MYO1E: variants seen among roughly 807,000 people sequenced by gnomAD.
MYO1E encodes the protein myosin IE.
Under a neutral mutation model 151.1 loss-of-function variants are expected in MYO1E, and 68 were observed. The ratio of observed to expected loss-of-function variants is 0.45; its 90% CI spans 0.37 to 0.55. The LOEUF (loss-of-function observed/expected upper bound fraction) is 0.55, where lower values mean the gene tolerates loss of function less well. Ranked by LOEUF, MYO1E falls within the 20% of genes least tolerant of loss-of-function variation. The pLI is 0.00. For synonymous variants in MYO1E, 601 were observed against 501.7 expected, an observed-to-expected ratio of 1.20 and a Z score of -2.64; for missense variants, 1,363 against 1,389.3, an observed-to-expected ratio of 0.98 and a Z score of 0.30.
At chr15:59,365,873 C>G (rs1444927003) in intron 1 of MYO1E, among the ~76,000 whole-genome samples, 1 of 152,168 alleles carries the variant, frequency 6.6e-6, no homozygotes, top group African/African-American at 2.4e-5. Flanking sequence ...CTGGAAACAC[C>G]TGAGAGGGAT....
chr15:59,173,651 C>T (rs2079608190), intron 21 of MYO1E, 95 bp downstream of exon 21: 2 of 1,489,404 alleles, frequency 1.3e-6, no homozygotes, highest in African/African-American at 1.4e-5. Flanking sequence ...ACAACGAACA[C>T]ATTCTGATTT....
chr15:59,259,851 G>A (rs1436446403), intron 3 of MYO1E, among the ~76,000 whole-genome samples: 1 of 152,156 alleles, frequency 6.6e-6, no homozygotes, highest in Non-Finnish European at 1.5e-5. Flanking sequence ...GACTCTCAAA[G>A]TCATTAGGAC....
intron 1 of MYO1E, among the ~76,000 whole-genome samples, chr15:59,276,381 G>A (rs2080319110): frequency 6.6e-6 from 1 of 152,208 alleles, no homozygotes; most frequent in Non-Finnish European, 1.5e-5. Flanking sequence ...GCATTTTACA[G>A]CAGCTCCTGG....
At chr15:59,224,889 T>A in intron 7 of MYO1E, 66 bp from the exon 8 acceptor site, 2 of 1,606,300 alleles carry the variant, frequency 1.2e-6, no homozygotes, top group Non-Finnish European at 1.7e-6. Flanking sequence ...CACTCCTGCA[T>A]CCTGCAGCCA....
intron 1 of MYO1E, among the ~76,000 whole-genome samples, chr15:59,344,713 A>G (rs948168363): frequency 6.6e-6 from 1 of 152,194 alleles, no homozygotes; most frequent in African/African-American, 2.4e-5. Context: ...CAAAACCACC[A>G]AAGTCCTTCC....
At chr15:59,217,413 G>T (rs1196331179) in intron 10 of MYO1E, among the ~76,000 whole-genome samples, 1 of 147,176 alleles carries the variant, frequency 6.8e-6, no homozygotes, top group Non-Finnish European at 1.5e-5. Flanking sequence ...GGCAGTTCTA[G>T]AAGGAAAAGC....
intron 1 of MYO1E, 134 bp from the exon 2 acceptor site, chr15:59,272,583 A>G: frequency 1.0e-6 from 1 of 988,314 alleles, no homozygotes; most frequent in South Asian, 1.4e-5. Context: ...AAGATTCTGC[A>G]ATCAATAAGA....
At chr15:59,208,237 T>G in intron 14 of MYO1E, 2 of 707,408 alleles carry the variant, frequency 2.8e-6, no homozygotes, top group Non-Finnish European at 4.6e-6. Flanking sequence ...CCAGCTCTTT[T>G]ATTGAGCATC....
intron 1 of MYO1E, among the ~76,000 whole-genome samples, chr15:59,276,918 C>T (rs1042081997): frequency 2.0e-5 from 3 of 152,112 alleles, no homozygotes; most frequent in Non-Finnish European, 2.9e-5. Context: ...GTAGGCCTGG[C>T]CCCACGCGGC....
intron 1 of MYO1E, among the ~76,000 whole-genome samples, chr15:59,344,810 C>G (rs1403099029): frequency 6.6e-6 from 1 of 152,184 alleles, no homozygotes; most frequent in Admixed American, 6.5e-5. Context: ...GCCAGGGCAC[C>G]ACCAATCAAA....
chr15:59,224,788 G>C lies in MYO1E; in HGVS notation c.678C>G (p.Ser226Arg). ...IEGASAEQKH[S>R]LGITSMDYYY... The stretch of plus-strand genomic sequence containing the variant: ...AATAGTCCATGCTGGTGATGCCAAG[G>C]CTGTGTTTCTGCTCTGCAGAGGCGC... Residue 226 changes from serine (S) to arginine (R), a missense_variant, in exon 8 of 28, where the codon AGC (serine) becomes AGG (arginine). By Grantham distance (110) the Ser-to-Arg change is moderately radical. Coordinates refer to ENST00000288235, the MANE Select transcript of MYO1E (RefSeq NM_004998.4). 1 of 1,614,196 alleles carries C rather than the reference G, an allele frequency of 6.2e-7. No individual in the cohort carries two copies. The highest frequency in any genetic ancestry group is 1.7e-5 in the Admixed American group (1 of 60,026).
chr15:59,218,901 G>A (rs780213204), intron 9 of MYO1E, among the ~76,000 whole-genome samples: 7 of 152,194 alleles, frequency 4.6e-5, no homozygotes, highest in Non-Finnish European at 1.0e-4. Context: ...TACAGTGTGT[G>A]GACTAGCACT....
chr15:59,154,776 T>A (rs921226370), intron 25 of MYO1E, among the ~76,000 whole-genome samples: 2 of 152,234 alleles, frequency 1.3e-5, no homozygotes, highest in Non-Finnish European at 2.9e-5. Context: ...CAGAATCTGC[T>A]TGGTGGCTTC....
intron 20 of MYO1E, 85 bp from the exon 21 acceptor site, chr15:59,174,000 C>T: frequency 2.0e-6 from 3 of 1,533,652 alleles, no homozygotes; most frequent in Non-Finnish European, 2.7e-6. Context: ...TACAAAGAAA[C>T]TCTAAATGAT....
chr15:59,169,153 G>A (rs1314549054), intron 22 of MYO1E, among the ~76,000 whole-genome samples: 2 of 152,198 alleles, frequency 1.3e-5, no homozygotes, highest in African/African-American at 2.4e-5. Context: ...AGCTAGAGAT[G>A]GGCTAAGATC....
At chr15:59,365,572 T>C (rs111456613) in intron 1 of MYO1E, among the ~76,000 whole-genome samples, 1,672 of 152,302 alleles carry the variant, frequency 0.011, 24 homozygotes, top group African/African-American at 0.035. Context: ...GGAAGTAATT[T>C]AACCTCTCTA....
chr15:59,139,665 CATT>C (rs1271969587), intron 26 of MYO1E, among the ~76,000 whole-genome samples: 1 of 151,292 alleles, frequency 6.6e-6, no homozygotes, highest in Non-Finnish European at 1.5e-5. Flanking sequence ...TCTGCCCTCT[CATT>C]ATTACTCCAC....
intron 8 of MYO1E, 56 bp downstream of exon 8, chr15:59,224,632 CA>C (rs1343516734): frequency 1.2e-6 from 2 of 1,612,180 alleles, no homozygotes; most frequent in African/African-American, 2.7e-5. Flanking sequence ...CCCTTTTGGC[CA>C]CAGGAAATGG....
At chr15:59,227,328 A>G in intron 7 of MYO1E, 131 bp downstream of exon 7, 1 of 1,106,674 alleles carries the variant, frequency 9.0e-7, no homozygotes, top group Non-Finnish European at 1.3e-6. Flanking sequence ...AATTCTGCAC[A>G]TTGACTTGTA....
Sources: allele counts gnomAD v4.1 joint callset (sites outside exome capture counted in the v4.1 genomes callset), GRCh38; gene constraint gnomAD v4.1.1; transcripts MANE v1.5; gene names NCBI Gene and HGNC (gene_info 2026-07-23, HGNC 2026-07-21).